The following TUBGCP4 variants were observed in gnomAD, a reference collection of about 807,000 sequenced individuals.
TUBGCP4 encodes tubulin gamma complex component 4, also known as gamma-tubulin complex component 4.
TUBGCP4 carries 54 observed loss-of-function variants against 91.6 expected under a neutral mutation model. That is an observed-to-expected ratio of 0.59 (90% confidence interval 0.47 to 0.74). TUBGCP4 has a LOEUF of 0.74. TUBGCP4 is among the 30% of genes least tolerant of loss of function. TUBGCP4 has a pLI of 0.00. For synonymous variants in TUBGCP4, 297 were observed against 302.8 expected (o/e 0.98, Z 0.20); for missense variants, 593 against 800.9 (o/e 0.74, Z 3.13).
intron 9 of TUBGCP4, chr15:43,393,981 A>G (rs981454914): frequency 6.6e-6 from 1 of 151,198 alleles, no homozygotes; most frequent in Admixed American, 6.6e-5. Flanking sequence ...TGCCTATTTT[A>G]TACTGGGTTT....
At position 43,407,956 on chromosome 15, in the gene TUBGCP4, A is replaced by G; in HGVS notation, c.*2742A>G. On this transcript the variant is annotated 3_prime_UTR_variant, in exon 18 of 18. Coordinates refer to ENST00000564079, the MANE Select transcript of TUBGCP4 (RefSeq NM_014444.5). ...TCTTTCAGGTACCTTTGTTATGGGC[A>G]CTTGAATGGTGCTGCTTCACAGAGG... 1 of 1,612,998 alleles carries G rather than the reference A, an allele frequency of 6.2e-7. No individual in the cohort carries two copies. The highest frequency in any genetic ancestry group is 2.2e-5 in the East Asian group (1 of 44,862).
At chr15:43,383,807 GT>G (rs1049589164) in intron 7 of TUBGCP4, among the ~76,000 whole-genome samples, 22 of 144,698 alleles carry the variant, frequency 1.5e-4, no homozygotes, top group African/African-American at 2.5e-4. Context: ...TTGGAGTTTT[GT>G]TTTTTTTTTT....
At chr15:43,383,783 A>AT (rs1413068440) in intron 7 of TUBGCP4, among the ~76,000 whole-genome samples, 1 of 151,842 alleles carries the variant, frequency 6.6e-6, no homozygotes, top group Non-Finnish European at 1.5e-5. Context: ...TACATTTTAG[A>AT]TTTTAAATAC....
chr15:43,409,115 A>G lies in TUBGCP4; in HGVS notation c.*3901A>G. 1 of 1,613,202 alleles carries G rather than the reference A, an allele frequency of 6.2e-7. No individual in the cohort carries two copies. The highest frequency in any genetic ancestry group is 1.7e-5 in the Admixed American group (1 of 59,976). On this transcript the variant is annotated 3_prime_UTR_variant, in exon 18 of 18. Coordinates refer to ENST00000564079, the MANE Select transcript of TUBGCP4 (RefSeq NM_014444.5). ...TGTTACACTGCAAGAAAAGAAGCAGAGCCAATGGGTTTGGTGACTTCTGTG... is the reference window on the plus strand; with the variant it reads ...TGTTACACTGCAAGAAAAGAAGCAGGGCCAATGGGTTTGGTGACTTCTGTG...
rs933911212 is a variant in TUBGCP4 at position 43,386,025 on chromosome 15, C to T, written c.889+69C>T. 1.9e-6 allele frequency: 3 copies of T among 1,580,342 alleles called. No homozygotes were observed. In the African/African-American group the frequency reaches 4.0e-5, roughly 21 times the overall value. ...TCTTCCTTAATACTATGTGGCCCCACAGCATGCCTGGTCAGAGCGAGTGGT... is the reference window on the plus strand; with the variant it reads ...TCTTCCTTAATACTATGTGGCCCCATAGCATGCCTGGTCAGAGCGAGTGGT... On this transcript the variant is annotated intron_variant, in intron 8 of 17. Transcript: ENST00000564079.
chr15:43,398,685 A>G (rs894197352), intron 13 of TUBGCP4, among the ~76,000 whole-genome samples: 2 of 152,154 alleles, frequency 1.3e-5, no homozygotes, highest in African/African-American at 4.8e-5. Flanking sequence ...CACACCTGAC[A>G]AGGTCTCTCC....
chr15:43,398,327 C>T, intron 13 of TUBGCP4, 148 bp downstream of exon 13: 1 of 791,974 alleles, frequency 1.3e-6, no homozygotes, highest in Non-Finnish European at 1.9e-6. Flanking sequence ...AGGAGGATCC[C>T]TTAAGCCCAG....
At chr15:43,373,609 T>C (rs2044156364) in intron 1 of TUBGCP4, among the ~76,000 whole-genome samples, 2 of 151,934 alleles carry the variant, frequency 1.3e-5, no homozygotes, top group South Asian at 4.2e-4. Context: ...AACTCAGGGA[T>C]TCAAACCCAG....
At chr15:43,394,748 G>A in intron 9 of TUBGCP4, 1 of 290,730 alleles carries the variant, frequency 3.4e-6, no homozygotes, top group Non-Finnish European at 6.6e-6. Context: ...AATGTGTGCA[G>A]CACCTCCCCC....
rs1251967338 is a variant in TUBGCP4 at position 43,371,158 on chromosome 15, C to A, written c.-197C>A. 4.8e-6 allele frequency: 3 copies of A among 622,022 alleles called. No homozygotes were observed. Among genetic ancestry groups the A allele is most frequent in the Non-Finnish European group, 8.6e-6 (3 of 348,932 alleles). 38.5% of individuals were successfully genotyped at this position (622,022 alleles called of 1,614,324 possible). On this transcript the variant is annotated 5_prime_UTR_variant, in exon 1 of 18. Transcript: ENST00000564079. ...TGGACCCCGTTGAGCTGCCGAACTT[C>A]CGGGACTCCCCCGCGACCCCTTCCC... is the stretch of plus-strand genomic sequence containing the variant.
intron 9 of TUBGCP4, among the ~76,000 whole-genome samples, chr15:43,393,891 A>C (rs117462873): frequency 1.5e-3 from 226 of 152,076 alleles, no homozygotes; most frequent in Non-Finnish European, 2.8e-3. Flanking sequence ...GCCTCCCAAA[A>C]TGCTGGGATT....
intron 12 of TUBGCP4, 114 bp downstream of exon 12, chr15:43,397,435 C>A: frequency 1.3e-6 from 1 of 797,050 alleles, no homozygotes. Flanking sequence ...TAGAAATCAG[C>A]TAGTACAGTA....
rs2044688586 is a variant in TUBGCP4 at position 43,401,863 on chromosome 15, C to T, written c.1731+13C>T. On this transcript the variant is annotated intron_variant, in intron 15 of 17. Transcript: ENST00000564079. ...CCTATTGAAACCTGTAAGTAAGGCT[C>T]ATTGGTTTCCTCAGACTGCTTCTAC... The T allele has an allele frequency of 7.4e-6, 12 of 1,613,766 alleles. No individual in the cohort carries two copies. Among genetic ancestry groups the T allele is most frequent in the Non-Finnish European group, 9.3e-6 (11 of 1,179,814 alleles).
At chr15:43,394,641 T>C (rs2044550312) in intron 9 of TUBGCP4, 2 of 153,506 alleles carry the variant, frequency 1.3e-5, no homozygotes, top group African/African-American at 4.8e-5. Flanking sequence ...TGGTGGGAGA[T>C]GATTGGTTCG....
rs762967895 is a variant in TUBGCP4, at chr15:43,383,342, C to G, written c.561C>G (p.Leu187=). 9.9e-6 allele frequency: 16 copies of G among 1,614,172 alleles called. No homozygotes were observed. Among genetic ancestry groups the G allele is most frequent in the Admixed American group, 6.7e-5 (4 of 60,022 alleles). ...GTCATGGGGTCATGTATAAACAGCT[C>G]TCAGCCTGGATGCTCCATGGACTCC... ...AVCHGVMYKQ[L]SAWMLHGLLL... The change falls in exon 7 of 18, where the codon CTC becomes CTG. Residue 187 remains leucine (L), a synonymous_variant. Transcript: ENST00000564079.
intron 14 of TUBGCP4, among the ~76,000 whole-genome samples, chr15:43,401,149 G>C (rs1472616151): frequency 6.6e-6 from 1 of 152,012 alleles, no homozygotes; most frequent in Non-Finnish European, 1.5e-5. Context: ...GCCATGAGTG[G>C]ATTAGGATGG....
chr15:43,386,122 C>T, intron 8 of TUBGCP4, 84 bp from the exon 9 acceptor site: 1 of 1,541,452 alleles, frequency 6.5e-7, no homozygotes, highest in Non-Finnish European at 8.7e-7. Context: ...AGTTGCTGCC[C>T]CACTGAGATT....
chr15:43,407,503 A>ACACTT lies in TUBGCP4; in HGVS notation c.*2292_*2296dup. 1.2e-6 allele frequency: 2 copies of ACACTT among 1,614,250 alleles called. No homozygotes were observed. The highest frequency in any genetic ancestry group is 8.5e-7 in the Non-Finnish European group (1 of 1,180,048). ...CCACAGGCAGCTGCAATGCTTCAGC[A>ACACTT]CACTTCAGCACCGAGGCTGGGCATG... On this transcript the variant is annotated 3_prime_UTR_variant, in exon 18 of 18. Transcript: ENST00000564079.
intron 6 of TUBGCP4, among the ~76,000 whole-genome samples, chr15:43,381,102 C>T (rs992741418): frequency 3.3e-5 from 5 of 151,982 alleles, no homozygotes; most frequent in African/African-American, 7.3e-5. Context: ...CCACCGCACC[C>T]GGCCACTCAC....
Sources: gnomAD v4.1 joint callset for allele counts (sites outside exome capture counted in the v4.1 genomes callset) on GRCh38, gnomAD v4.1.1 for gene constraint, MANE v1.5 for transcripts, NCBI Gene and HGNC (gene_info 2026-07-23, HGNC 2026-07-21) for gene names.